Variants in NCAPD2 observed in about 807,000 individuals in gnomAD.
NCAPD2 encodes non-SMC condensin I complex subunit D2.
Under a neutral mutation model 164.5 loss-of-function variants are expected in NCAPD2, and 100 were observed. The ratio of observed to expected loss-of-function variants is 0.61; its 90% confidence interval spans 0.52 to 0.72. The LOEUF (loss-of-function observed/expected upper bound fraction) is 0.72. Among genes scored for constraint, NCAPD2 ranks in the 30% least tolerant of loss-of-function variants. The probability of loss-of-function intolerance (pLI) is 0.00; values close to 1 mark genes in which losing one functional copy is unlikely to be tolerated. For missense variants in NCAPD2, 1,560 were observed against 1,749.2 expected, an observed-to-expected ratio of 0.89 and a Z score of 1.93; for synonymous variants, 585 against 642.6, an observed-to-expected ratio of 0.91 and a Z score of 1.36.
chr12:6,527,300 A>G (rs1279070759), intron 22 of NCAPD2, among the ~76,000 whole-genome samples: 4 of 152,192 alleles, frequency 2.6e-5, no homozygotes, highest in African/African-American at 9.7e-5. Flanking sequence ...CTCAGCATAA[A>G]ACAGAGGCTT....
intron 2 of NCAPD2, among the ~76,000 whole-genome samples, chr12:6,500,117 G>A (rs1168139002): frequency 6.6e-6 from 1 of 151,808 alleles, no homozygotes; most frequent in Non-Finnish European, 1.5e-5. Context: ...GCTAGACCCT[G>A]TTTCAAAAAA....
chr12:6,516,850 T>G lies in NCAPD2; in HGVS notation c.1010T>G (p.Val337Gly). The G allele has an allele frequency of 6.2e-7, 1 of 1,614,186 alleles. No homozygotes were observed. Among genetic ancestry groups the G allele is most frequent in the Non-Finnish European group, 8.5e-7 (1 of 1,180,034 alleles). The stretch of plus-strand genomic sequence containing the variant: ...TAGAATTACATGATGCGTAATGCTG[T>G]GCTGGCAGCCATGGCGGAGATGGTG... ...DGENYMMRNA[V>G]LAAMAEMVLQ... The change falls in exon 10 of 32, where the codon GTG becomes GGG. Residue 337 changes from valine to glycine, a missense_variant. Coordinates refer to ENST00000315579, the MANE Select transcript of NCAPD2 (RefSeq NM_014865.4).
rs1291203893 is a variant in NCAPD2, at chr12:6,494,159, GAT to G, written c.-24+6_-24+7del. 2.6e-5 allele frequency: 4 copies of G among 152,370 alleles called. No individual in the cohort carries two copies. The highest frequency in any genetic ancestry group is 4.4e-5 in the Non-Finnish European group (3 of 68,118). 9.4% of individuals were successfully genotyped at this position (152,370 alleles called of 1,614,324 possible). On this transcript the variant is annotated splice_donor_region_variant and intron_variant, in intron 1 of 31. Coordinates refer to ENST00000315579, the MANE Select transcript of NCAPD2 (RefSeq NM_014865.4). ...AGCCGCGGGTGAGATCCCCAGGTAA[GAT>G]GTGGTGTTGCAGGTCGTAAAAGAGT...
intron 2 of NCAPD2, among the ~76,000 whole-genome samples, chr12:6,504,216 T>TATATATATACAC (rs1406807438): frequency 0.028 from 626 of 22,474 alleles, 7 homozygotes; most frequent in Non-Finnish European, 0.042. Context: ...TATATATATA[T>TATATATATACAC]AGATATAGAT....
At position 6,526,498 on chromosome 12, in the gene NCAPD2, A is replaced by G. The variant is rs1946319412; in HGVS notation, c.2617A>G (p.Thr873Ala). 2.5e-6 allele frequency: 4 copies of G among 1,614,064 alleles called. No homozygotes were observed. The highest frequency in any genetic ancestry group is 8.5e-7 in the Non-Finnish European group (1 of 1,180,010). Residue 873 changes from threonine to alanine, a missense_variant, in exon 21 of 32, where the codon ACC (threonine) becomes GCC (alanine). Coordinates refer to ENST00000315579, the MANE Select transcript of NCAPD2 (RefSeq NM_014865.4). The stretch of plus-strand genomic sequence containing the variant: ...GATCCCATTCAAAGAGGTGGCAGTG[A>G]CCCTCATTTACCAACTGGCAGAGGG... Reference protein sequence around the residue: ...LWIPFKEVAVTLIYQLAEGPE... With the variant: ...LWIPFKEVAVALIYQLAEGPE...
At position 6,526,383 on chromosome 12, in the gene NCAPD2, G is replaced by A. The variant is rs1452908991; in HGVS notation, c.2566+12G>A. 1 of 1,614,180 alleles carries A rather than the reference G, an allele frequency of 6.2e-7. No homozygotes were observed. The highest frequency in any genetic ancestry group is 1.7e-5 in the Admixed American group (1 of 60,022). ...GACAGTCACAAAAGGTGAGCTCTCAGGGAAGGCCTTGGGCAGAATTGGGCC... is the reference window on the plus strand; with the variant it reads ...GACAGTCACAAAAGGTGAGCTCTCAAGGAAGGCCTTGGGCAGAATTGGGCC... On this transcript the variant is annotated intron_variant, in intron 20 of 31. Transcript: ENST00000315579.
At position 6,509,718 on chromosome 12, in the gene NCAPD2, T is replaced by A. The variant is rs145235239; in HGVS notation, c.129T>A (p.Ala43=). 3 of 1,613,780 alleles carry A rather than the reference T, an allele frequency of 1.9e-6. No homozygotes were observed. In the African/African-American group the frequency reaches 4.0e-5, roughly 22 times the overall value. The change falls in exon 3 of 32, where the codon GCT becomes GCA. Residue 43 remains alanine, a splice_region_variant and synonymous_variant. Coordinates refer to ENST00000315579, the MANE Select transcript of NCAPD2 (RefSeq NM_014865.4). Reference sequence around the variant, plus strand: ...GATTTGTTTTTTCCATCTTCATAGCTTTTCAGGCTGCCTTTCGAGCTCAGG... The same window carrying A: ...GATTTGTTTTTTCCATCTTCATAGCATTTCAGGCTGCCTTTCGAGCTCAGG... ...SIKHLPPQLR[A]FQAAFRAQGP...
At chr12:6,506,696 T>A (rs1397797313) in intron 2 of NCAPD2, among the ~76,000 whole-genome samples, 1 of 151,900 alleles carries the variant, frequency 6.6e-6, no homozygotes, top group African/African-American at 2.4e-5. Flanking sequence ...TAAAAAAAAA[T>A]TAGCCAGATA....
chr12:6,516,987 C>T lies in NCAPD2; in HGVS notation c.1147C>T (p.Arg383Cys), dbSNP rs1555139353. ...GHDVNSFVRS[R>C]VLQLFTRIVQ... is the part of the protein sequence containing the mutation. ...TGATGTCAACTCCTTTGTGCGGAGCCGTGTTTTGCAGCTCTTCACCCGAAT... is the reference window on the plus strand; with the variant it reads ...TGATGTCAACTCCTTTGTGCGGAGCTGTGTTTTGCAGCTCTTCACCCGAAT... The change falls in exon 10 of 32, where the codon CGT becomes TGT. Residue 383 changes from arginine to cysteine, a missense_variant. Arg to Cys is a radical substitution (Grantham distance 180, BLOSUM62 -3). Transcript: ENST00000315579. 6 of 1,614,100 alleles carry T rather than the reference C, an allele frequency of 3.7e-6. No individual in the cohort carries two copies. In the Admixed American group the frequency reaches 6.7e-5, roughly 18 times the overall value.
chr12:6,520,891 T>C lies in NCAPD2; in HGVS notation c.1590-95T>C, dbSNP rs1946257379. 3 of 1,535,008 alleles carry C rather than the reference T, an allele frequency of 2.0e-6. No individual in the cohort carries two copies. The South Asian group carries it at 3.5e-5, about 18-fold the overall frequency. On this transcript the variant is annotated intron_variant, in intron 13 of 31. Coordinates refer to ENST00000315579, the MANE Select transcript of NCAPD2 (RefSeq NM_014865.4). ...TTAAGTGCTCCTTTTCTCTGGGCAG[T>C]AGGTCCAGGGACTTGATAGAATCAT...
At position 6,527,135 on chromosome 12, in the gene NCAPD2, G is replaced by A. The variant is rs78604360; in HGVS notation, c.2907+72G>A. The A allele has an allele frequency of 2.5e-3, 3,664 of 1,438,156 alleles. 79 individuals carry two copies. In the African/African-American group the frequency reaches 0.046, roughly 18 times the overall value. 89.1% of individuals were successfully genotyped at this position (1,438,156 alleles called of 1,614,324 possible). ...CTCAGAACTGAGCTGATCCCCTTCC[G>A]GCAATCTCTGCTCCTCTGCTATTAC... On this transcript the variant is annotated intron_variant, in intron 22 of 31. Coordinates refer to ENST00000315579, the MANE Select transcript of NCAPD2 (RefSeq NM_014865.4).
intron 2 of NCAPD2, among the ~76,000 whole-genome samples, chr12:6,504,170 C>CATATATATATACATATATATATATATAT (rs1368820584): frequency 2.5e-5 from 3 of 121,102 alleles, no homozygotes. Context: ...TCAGTTTTGA[C>CATATATATATACATATATATATATATAT]ATATATATAT....
chr12:6,526,138 C>G lies in NCAPD2; in HGVS notation c.2419C>G (p.Gln807Glu). The G allele has an allele frequency of 6.2e-7, 1 of 1,614,142 alleles. No homozygotes were observed. Among genetic ancestry groups the G allele is most frequent in the South Asian group, 1.1e-5 (1 of 91,072 alleles). The change falls in exon 19 of 32, where the codon CAG becomes GAG. Residue 807 changes from glutamine (Q) to glutamate (E), a missense_variant. Physicochemically the swap from Gln to Glu is conservative, Grantham distance 29. Coordinates refer to ENST00000315579, the MANE Select transcript of NCAPD2 (RefSeq NM_014865.4). ...VSIGLDEKFP[Q>E]DYRLAQQVCH... Reference sequence around the variant, plus strand: ...CATAGGGCTGGATGAGAAGTTTCCACAGGACTACAGGCTGGCCCAGCAGGT... The same window carrying G: ...CATAGGGCTGGATGAGAAGTTTCCAGAGGACTACAGGCTGGCCCAGCAGGT...
chr12:6,518,504 G>GTTTTTGTTTTTTTTTTTT lies in NCAPD2; in HGVS notation c.1589+550_1589+551insGTTTTTTTTTTTTTTTTT. On this transcript the variant is annotated intron_variant, in intron 13 of 31. Coordinates refer to ENST00000315579, the MANE Select transcript of NCAPD2 (RefSeq NM_014865.4). Reference sequence around the variant, plus strand: ...CAAAAGCCCTTACAGCCGTCAACAAGTTTTTTTTTTTTTTTTTTTTTTTTT... The same window carrying GTTTTTGTTTTTTTTTTTT: ...CAAAAGCCCTTACAGCCGTCAACAAGTTTTTGTTTTTTTTTTTTTTTTTTTTTTTTTTTTTTTTTTTTT... Among the ~76,000 whole-genome samples, 360 of 44,780 alleles carry GTTTTTGTTTTTTTTTTTT rather than the reference G, an allele frequency of 8.0e-3. 59 individuals are homozygous for GTTTTTGTTTTTTTTTTTT. The highest frequency in any genetic ancestry group is 0.017 in the African/African-American group (166 of 9,798). The allele number at this position is 44,780 out of a possible 152,430, so 29.4% of individuals were successfully genotyped here.
intron 2 of NCAPD2, among the ~76,000 whole-genome samples, chr12:6,500,827 C>G (rs896412204): frequency 1.3e-5 from 2 of 152,144 alleles, no homozygotes; most frequent in Non-Finnish European, 2.9e-5. Context: ...AAAAGATTCA[C>G]TGGCGACTGT....
intron 21 of NCAPD2, 132 bp from the exon 22 acceptor site, chr12:6,526,759 C>T: frequency 7.0e-7 from 1 of 1,418,982 alleles, no homozygotes; most frequent in East Asian, 2.3e-5. Context: ...GGCCAGTTCC[C>T]ACCCCCAACT....
chr12:6,502,774 C>T (rs1374411162), intron 2 of NCAPD2, among the ~76,000 whole-genome samples: 2 of 152,064 alleles, frequency 1.3e-5, no homozygotes, highest in Non-Finnish European at 2.9e-5. Flanking sequence ...TGATCCTGCA[C>T]TGCACTTCGG....
At chr12:6,514,727 A>G in intron 8 of NCAPD2, 46 bp from the exon 9 acceptor site, 1 of 1,610,788 alleles carries the variant, frequency 6.2e-7, no homozygotes, top group Non-Finnish European at 8.5e-7. Flanking sequence ...CTGGGAACTG[A>G]ATAATTGATC....
At position 6,496,179 on chromosome 12, in the gene NCAPD2, C is replaced by T. The variant is rs529725386; in HGVS notation, c.127+954C>T. Among the ~76,000 whole-genome samples, 106 of 151,974 alleles carry T rather than the reference C, an allele frequency of 7.0e-4. 1 individual carries two copies. The highest frequency in any genetic ancestry group is 2.4e-3 in the African/African-American group (99 of 41,452). On this transcript the variant is annotated intron_variant, in intron 2 of 31. Coordinates refer to ENST00000315579, the MANE Select transcript of NCAPD2 (RefSeq NM_014865.4). ...GCTCAAGCGATTCTCCTGCTTCAGCCTCCCAAGTAGCTAGGATTACAGGTG... is the reference window on the plus strand; with the variant it reads ...GCTCAAGCGATTCTCCTGCTTCAGCTTCCCAAGTAGCTAGGATTACAGGTG...
Sources: gnomAD v4.1 joint callset for allele counts (sites outside exome capture counted in the v4.1 genomes callset) on GRCh38, gnomAD v4.1.1 for gene constraint, MANE v1.5 for transcripts, NCBI Gene and HGNC (gene_info 2026-07-23, HGNC 2026-07-21) for gene names.